Variants in BACH2 observed in about 807,000 individuals in gnomAD.
BACH2 encodes the protein transcription regulator protein BACH2.
In BACH2, 5 loss-of-function variants were observed where a neutral mutation model predicts 61.8. That is an observed-to-expected ratio of 0.08 (90% confidence interval 0.04 to 0.17). The LOEUF (loss-of-function observed/expected upper bound fraction) is 0.17. Ranked by LOEUF, BACH2 falls within the 10% of genes least tolerant of loss-of-function variation. The pLI is 1.00. For synonymous variants in BACH2, 446 were observed against 440.1 expected (o/e 1.01, Z -0.17); for missense variants, 824 against 1,091.1 (o/e 0.76, Z 3.45).
At chr6:89,954,558 C>T (rs1165079583) in intron 6 of BACH2, among the ~76,000 whole-genome samples, 2 of 146,668 alleles carry the variant, frequency 1.4e-5, no homozygotes, top group African/African-American at 2.5e-5. Flanking sequence ...GTAAGTCTTA[C>T]CACTATCTTC....
intron 5 of BACH2, among the ~76,000 whole-genome samples, chr6:90,030,701 G>C (rs1020248971): frequency 6.6e-6 from 1 of 151,996 alleles, no homozygotes; most frequent in Non-Finnish European, 1.5e-5. Flanking sequence ...CTGAAATTGA[G>C]GCAATAATTA....
At chr6:89,959,219 T>C (rs533904234) in intron 6 of BACH2, among the ~76,000 whole-genome samples, 5 of 147,860 alleles carry the variant, frequency 3.4e-5, no homozygotes, top group Non-Finnish European at 7.4e-5. Flanking sequence ...AGGGTGGAGG[T>C]CAAACAGTAG....
chr6:89,974,673 G>A (rs1033209462), intron 6 of BACH2, among the ~76,000 whole-genome samples: 6 of 152,134 alleles, frequency 3.9e-5, no homozygotes, highest in African/African-American at 1.2e-4. Flanking sequence ...TTCTGGCCTC[G>A]CTAATAAATC....
At chr6:90,194,171 G>A (rs1470353775) in intron 4 of BACH2, among the ~76,000 whole-genome samples, 1 of 151,982 alleles carries the variant, frequency 6.6e-6, no homozygotes, top group East Asian at 1.9e-4. Context: ...TGAGTTATCA[G>A]CCTTTTCCAA....
chr6:90,140,118 G>A (rs910594137), intron 4 of BACH2, among the ~76,000 whole-genome samples: 4 of 152,068 alleles, frequency 2.6e-5, no homozygotes, highest in African/African-American at 9.7e-5. Flanking sequence ...ATGTTCCAAG[G>A]AACCCCATGG....
rs1657446230 is a variant in BACH2, at chr6:90,008,552, T to C, written c.243+50A>G. ...TCTAGCTCCTAGTCAGCCAGTTTTC[T>C]GTAAGTCAATAAACATTCATTAACA... is the stretch of plus-strand genomic sequence containing the variant. On this transcript the variant is annotated intron_variant, in intron 6 of 8. Coordinates refer to ENST00000257749, the MANE Select transcript of BACH2 (RefSeq NM_021813.4). The surrounding 1 kb of genome is among the most constrained non-coding windows in gnomAD (Gnocchi z 4.1). The C allele has an allele frequency of 1.2e-6, 2 of 1,604,964 alleles. No individual in the cohort carries two copies. The highest frequency in any genetic ancestry group is 1.7e-6 in the Non-Finnish European group (2 of 1,175,006).
At chr6:89,964,491 C>T (rs1169824297) in intron 6 of BACH2, among the ~76,000 whole-genome samples, 2 of 152,110 alleles carry the variant, frequency 1.3e-5, no homozygotes, top group Non-Finnish European at 2.9e-5. Flanking sequence ...ATATTTTGGA[C>T]CGTACAAAAT....
chr6:90,158,771 G>C (rs1017354559), intron 4 of BACH2, among the ~76,000 whole-genome samples: 10 of 149,536 alleles, frequency 6.7e-5, no homozygotes, highest in Admixed American at 6.0e-4. Context: ...TTGGTGGGGG[G>C]GGGGCACTTA....
intron 8 of BACH2, 91 bp downstream of exon 8, chr6:89,938,053 C>T: frequency 8.0e-7 from 1 of 1,254,854 alleles, no homozygotes; most frequent in Middle Eastern, 1.9e-4. Flanking sequence ...AAGGGTGACC[C>T]TTCTGTCTAC....
rs145948345 is a variant in BACH2 at position 90,089,390 on chromosome 6, A to C, written c.-161-281T>G. 5.1e-4 allele frequency among the ~76,000 whole-genome samples: 78 copies of C among 152,028 alleles called. 1 individual carries two copies. In the East Asian group the frequency reaches 0.014, roughly 27 times the overall value. On this transcript the variant is annotated intron_variant, in intron 4 of 8. Coordinates refer to ENST00000257749, the MANE Select transcript of BACH2 (RefSeq NM_021813.4). Reference sequence around the variant, plus strand: ...GAGGGGCTCTCCTGAATCCAAATGCAGCCTAGGAGATAGGTCCATGTCCAG... The same window carrying C: ...GAGGGGCTCTCCTGAATCCAAATGCCGCCTAGGAGATAGGTCCATGTCCAG...
In BACH2 at chr6:89,932,382, GCGGACTGGGAGGC is replaced by G; in HGVS notation, c.*13_*25del. The G allele has an allele frequency of 6.3e-7, 1 of 1,598,440 alleles. No individual in the cohort carries two copies. Among genetic ancestry groups the G allele is most frequent in the Non-Finnish European group, 8.6e-7 (1 of 1,168,378 alleles). ...AAGAACGCCTGGATGGGAGAGGTGT[GCGGACTGGGAGGC>G]AGAGCCGAGTCACTAGGTATAATCT... On this transcript the variant is annotated 3_prime_UTR_variant, in exon 9 of 9. Transcript: ENST00000257749.
intron 5 of BACH2, among the ~76,000 whole-genome samples, chr6:90,052,648 T>C (rs1780107028): frequency 6.6e-6 from 1 of 152,220 alleles, no homozygotes; most frequent in Non-Finnish European, 1.5e-5. Context: ...CTTGAACTCC[T>C]GGCCTCAAGT....
intron 7 of BACH2, among the ~76,000 whole-genome samples, chr6:89,943,334 C>A (rs974837257): frequency 6.6e-6 from 1 of 152,124 alleles, no homozygotes; most frequent in Non-Finnish European, 1.5e-5. Flanking sequence ...CTCTTCCCTG[C>A]CAACAGCCAC....
rs566264737 is a variant in BACH2, at chr6:90,209,254, T to C, written c.-274-2573A>G. Reference sequence around the variant, plus strand: ...TAGCAATAGCATATTTTAACAATAATGTACAACACAGATCTTGGAATTCCA... The same window carrying C: ...TAGCAATAGCATATTTTAACAATAACGTACAACACAGATCTTGGAATTCCA... On this transcript the variant is annotated intron_variant, in intron 3 of 8. Transcript: ENST00000257749. Among the ~76,000 whole-genome samples, 18 of 119,762 alleles carry C rather than the reference T, an allele frequency of 1.5e-4. 1 individual carries two copies. The East Asian group carries it at 4.4e-3, about 29-fold the overall frequency. 78.6% of individuals were successfully genotyped at this position (119,762 alleles called of 152,430 possible).
intron 2 of BACH2, among the ~76,000 whole-genome samples, chr6:90,258,306 C>A (rs55881869): frequency 0.26 from 39,560 of 151,960 alleles, 5,823 homozygotes; most frequent in Non-Finnish European, 0.34. Context: ...TCTTAACATC[C>A]TATCAAAGAG....
At chr6:90,093,742 T>C (rs1168082245) in intron 4 of BACH2, among the ~76,000 whole-genome samples, 1 of 152,156 alleles carries the variant, frequency 6.6e-6, no homozygotes, top group Admixed American at 6.6e-5. Flanking sequence ...CTGGGCCATG[T>C]TTAGGTGTCT....
At chr6:90,245,717 G>C (rs149833061) in intron 3 of BACH2, among the ~76,000 whole-genome samples, 320 of 152,318 alleles carry the variant, frequency 2.1e-3, no homozygotes, top group African/African-American at 7.3e-3. Flanking sequence ...TGAACTTCAA[G>C]AACTAGCTAT....
chr6:89,955,077 T>G (rs931089005), intron 6 of BACH2, among the ~76,000 whole-genome samples: 1 of 152,248 alleles, frequency 6.6e-6, no homozygotes, highest in African/African-American at 2.4e-5. Flanking sequence ...TGCCCAGCAC[T>G]GTGCTCTTGT....
chr6:90,187,577 T>C (rs1312617873), intron 4 of BACH2, among the ~76,000 whole-genome samples: 1 of 152,188 alleles, frequency 6.6e-6, no homozygotes, highest in East Asian at 1.9e-4. Context: ...CTGCTTTGCA[T>C]GATGAAGAAA....
Sources: allele counts gnomAD v4.1 joint callset (sites outside exome capture counted in the v4.1 genomes callset), GRCh38; gene constraint gnomAD v4.1.1; non-coding constraint Gnocchi (gnomAD v3.1); transcripts MANE v1.5; gene names NCBI Gene and HGNC (gene_info 2026-07-23, HGNC 2026-07-21).